Variants in MAP2K5 observed in about 807,000 individuals in gnomAD.
The protein encoded by MAP2K5 is dual specificity mitogen-activated protein kinase kinase 5.
Under a neutral mutation model 83.1 loss-of-function variants are expected in MAP2K5, and 49 were observed. The observed-to-expected ratio is 0.59, with a 90% confidence interval of 0.47 to 0.75. The LOEUF is 0.75. Among genes scored for constraint, MAP2K5 ranks in the 30% least tolerant of loss-of-function variants. The probability of loss-of-function intolerance (pLI) is 0.00; values close to 1 mark genes in which losing one functional copy is unlikely to be tolerated. For missense variants in MAP2K5, 457 were observed against 557.5 expected, an observed-to-expected ratio of 0.82 and a Z score of 1.82; for synonymous variants, 202 against 191.8, an observed-to-expected ratio of 1.05 and a Z score of -0.44.
chr15:67,734,235 A>T (rs893444404), intron 17 of MAP2K5, among the ~76,000 whole-genome samples: 2 of 152,216 alleles, frequency 1.3e-5, no homozygotes, highest in African/African-American at 4.8e-5. Context: ...TATTAACATG[A>T]TCTAAGGTCC....
chr15:67,725,128 A>G (rs1451444486), intron 16 of MAP2K5, among the ~76,000 whole-genome samples: 1 of 152,160 alleles, frequency 6.6e-6, no homozygotes, highest in African/African-American at 2.4e-5. Context: ...ACCTGTTCCC[A>G]AGCAGACTGG....
chr15:67,632,223 T>A lies in MAP2K5; in HGVS notation c.585+1296T>A, dbSNP rs116681942. ...CAAGAGATCCTCCTACTTCAGCCCCTTGAGTGGTTGGACCAGAGGTGTGCA... is the reference window on the plus strand; with the variant it reads ...CAAGAGATCCTCCTACTTCAGCCCCATGAGTGGTTGGACCAGAGGTGTGCA... On this transcript the variant is annotated intron_variant, in intron 9 of 21. Coordinates refer to ENST00000178640, the MANE Select transcript of MAP2K5 (RefSeq NM_145160.3). Among the ~76,000 whole-genome samples the A allele has an allele frequency of 8.2e-3, 1,245 of 151,592 alleles. 21 individuals are homozygous for A. Among genetic ancestry groups the A allele is most frequent in the African/African-American group, 0.029 (1,196 of 41,346 alleles).
intron 11 of MAP2K5, among the ~76,000 whole-genome samples, chr15:67,646,858 A>G (rs2086843910): frequency 6.6e-6 from 1 of 152,232 alleles, no homozygotes; most frequent in South Asian, 2.1e-4. Flanking sequence ...TGTGTCTTTC[A>G]GAAAGAAATC....
chr15:67,598,797 TC>T (rs1451082327), intron 7 of MAP2K5, among the ~76,000 whole-genome samples: 3 of 152,180 alleles, frequency 2.0e-5, no homozygotes, highest in African/African-American at 7.2e-5. Context: ...CATAGCAACT[TC>T]CTGCTTACTC....
chr15:67,630,868 G>C lies in MAP2K5; in HGVS notation c.546-20G>C. ...TTGTTTAGTGATCCCAAATGATTTTGTTTTTTTTTCTTCCCATAGAGCATA... is the reference window on the plus strand; with the variant it reads ...TTGTTTAGTGATCCCAAATGATTTTCTTTTTTTTTCTTCCCATAGAGCATA... On this transcript the variant is annotated intron_variant, in intron 8 of 21. Coordinates refer to ENST00000178640, the MANE Select transcript of MAP2K5 (RefSeq NM_145160.3). The C allele has an allele frequency of 5.1e-6, 8 of 1,561,436 alleles. No individual in the cohort carries two copies. The highest frequency in any genetic ancestry group is 6.1e-6 in the Non-Finnish European group (7 of 1,140,464).
rs562926233 is a variant in MAP2K5 at position 67,636,553 on chromosome 15, A to G, written c.585+5626A>G. On this transcript the variant is annotated intron_variant, in intron 9 of 21. Coordinates refer to ENST00000178640, the MANE Select transcript of MAP2K5 (RefSeq NM_145160.3). This position sits in a 1 kb window ranked among gnomAD's most constrained non-coding sequence, Gnocchi z 4.7. ...GGGTTGTATTTTTCACTTTTTTTTC[A>G]TATCTTATAATTTTTTTTAAGTGAA... 5.3e-5 allele frequency among the ~76,000 whole-genome samples: 8 copies of G among 151,242 alleles called. No individual in the cohort carries two copies. The highest frequency in any genetic ancestry group is 1.9e-4 in the African/African-American group (8 of 41,130).
At chr15:67,686,404 C>T (rs920825867) in intron 13 of MAP2K5, among the ~76,000 whole-genome samples, 6 of 151,836 alleles carry the variant, frequency 4.0e-5, no homozygotes, top group African/African-American at 7.3e-5. Flanking sequence ...TTCAGGAGTT[C>T]GAGACCAGCC....
chr15:67,691,986 C>T (rs531194127), intron 13 of MAP2K5, among the ~76,000 whole-genome samples: 14 of 152,182 alleles, frequency 9.2e-5, no homozygotes, highest in African/African-American at 2.7e-4. Flanking sequence ...ATTTCCTCAT[C>T]GGTTTCATTC....
At chr15:67,734,026 AT>A (rs1439693439) in intron 17 of MAP2K5, among the ~76,000 whole-genome samples, 1 of 152,162 alleles carries the variant, frequency 6.6e-6, no homozygotes, top group Non-Finnish European at 1.5e-5. Context: ...TACCAATAAC[AT>A]TTGTTTGATT....
At chr15:67,610,755 G>A (rs1953285000) in intron 8 of MAP2K5, among the ~76,000 whole-genome samples, 1 of 151,784 alleles carries the variant, frequency 6.6e-6, no homozygotes, top group African/African-American at 2.4e-5. Context: ...AATTTGAGGG[G>A]GAATAGCAGT....
chr15:67,682,640 T>G (rs989800407), intron 13 of MAP2K5, among the ~76,000 whole-genome samples: 1 of 151,214 alleles, frequency 6.6e-6, no homozygotes, highest in African/African-American at 2.4e-5. Flanking sequence ...AAGACCATCC[T>G]GGCTAATATG....
rs551869510 is a variant in MAP2K5 at position 67,543,581 on chromosome 15, T to C, written c.135+111T>C. On this transcript the variant is annotated intron_variant, in intron 1 of 21. Transcript: ENST00000178640. This position sits in a 1 kb window ranked among gnomAD's most constrained non-coding sequence, Gnocchi z 4.3. Reference sequence around the variant, plus strand: ...CCAGTGGCAATGGCTACTGCTGGCTTCCTGTGGAGGCAGTTTTATTGCTTC... The same window carrying C: ...CCAGTGGCAATGGCTACTGCTGGCTCCCTGTGGAGGCAGTTTTATTGCTTC... 1.6e-6 allele frequency: 2 copies of C among 1,278,082 alleles called. No individual in the cohort carries two copies. The highest frequency in any genetic ancestry group is 1.1e-6 in the Non-Finnish European group (1 of 905,530). 79.2% of individuals were successfully genotyped at this position (1,278,082 alleles called of 1,614,324 possible).
chr15:67,722,065 C>T lies in MAP2K5; in HGVS notation c.1045-5851C>T, dbSNP rs527704261. On this transcript the variant is annotated intron_variant, in intron 16 of 21. Transcript: ENST00000178640. This position sits in a 1 kb window ranked among gnomAD's most constrained non-coding sequence, Gnocchi z 4.2. Reference sequence around the variant, plus strand: ...TGAGTACTGATAATGTGGAGGGTCCCAAAGGTTATTAGGGCATGTTTCTGT... The same window carrying T: ...TGAGTACTGATAATGTGGAGGGTCCTAAAGGTTATTAGGGCATGTTTCTGT... Among the ~76,000 whole-genome samples the T allele has an allele frequency of 6.6e-6, 1 of 152,046 alleles. No homozygotes were observed. Among genetic ancestry groups the T allele is most frequent in the East Asian group, 1.9e-4 (1 of 5,168 alleles).
At chr15:67,707,429 A>G (rs866612004) in intron 16 of MAP2K5, among the ~76,000 whole-genome samples, 2 of 152,358 alleles carry the variant, frequency 1.3e-5, no homozygotes, top group South Asian at 4.1e-4. Flanking sequence ...TGCATTCTGT[A>G]ACATAGTCAA....
In MAP2K5 at chr15:67,793,804, A is replaced by T. The variant is rs1055790249; in HGVS notation, c.1243-12842A>T. On this transcript the variant is annotated intron_variant, in intron 21 of 21. Transcript: ENST00000178640. This position sits in a 1 kb window ranked among gnomAD's most constrained non-coding sequence, Gnocchi z 4.6. ...AGTTTGAAGCAATATGATTATTTTG[A>T]TCTTGAATCAGTAATTAAGGTGGAC... Among the ~76,000 whole-genome samples, 1 of 152,180 alleles carries T rather than the reference A, an allele frequency of 6.6e-6. No individual in the cohort carries two copies. The highest frequency in any genetic ancestry group is 6.5e-5 in the Admixed American group (1 of 15,280).
At chr15:67,776,076 A>G (rs1471124587) in intron 21 of MAP2K5, among the ~76,000 whole-genome samples, 3 of 152,084 alleles carry the variant, frequency 2.0e-5, no homozygotes, top group Non-Finnish European at 4.4e-5. Context: ...GAAAGGTGTG[A>G]CTTTCAATTC....
intron 17 of MAP2K5, among the ~76,000 whole-genome samples, chr15:67,735,540 A>T (rs1393392750): frequency 6.6e-6 from 1 of 152,204 alleles, no homozygotes; most frequent in African/African-American, 2.4e-5. Flanking sequence ...CTGCTCTCAA[A>T]AGAGTGCAGT....
At chr15:67,630,468 A>G (rs2086446304) in intron 8 of MAP2K5, among the ~76,000 whole-genome samples, 1 of 152,182 alleles carries the variant, frequency 6.6e-6, no homozygotes, top group South Asian at 2.1e-4. Context: ...ATGGGAAAAA[A>G]AAAGCAAAAT....
chr15:67,586,958 C>T (rs1323567007), intron 6 of MAP2K5, 45 bp downstream of exon 6: 3 of 1,596,442 alleles, frequency 1.9e-6, no homozygotes, highest in East Asian at 2.2e-5. Context: ...GATTTATCTA[C>T]AGAGTTGGGG....
Sources: allele counts gnomAD v4.1 joint callset (sites outside exome capture counted in the v4.1 genomes callset), GRCh38; gene constraint gnomAD v4.1.1; non-coding constraint Gnocchi (gnomAD v3.1); transcripts MANE v1.5; gene names NCBI Gene and HGNC (gene_info 2026-07-23, HGNC 2026-07-21).